Variants in TGM2 observed in about 807,000 individuals in gnomAD.
The protein encoded by TGM2 is transglutaminase 2.
A neutral mutation model predicts 75.6 loss-of-function variants in TGM2; 53 were observed. That is an observed-to-expected ratio of 0.70 (90% CI 0.56 to 0.88). TGM2 has a LOEUF of 0.88. Among genes scored for constraint, TGM2 ranks in the 40% least tolerant of loss-of-function variants. TGM2 has a pLI of 0.00. For missense variants in TGM2, 842 were observed against 928.5 expected (o/e 0.91, Z 1.21); for synonymous variants, 374 against 381.1 (o/e 0.98, Z 0.22).
At chr20:38,141,930 C>T in intron 7 of TGM2, 134 bp downstream of exon 7, 2 of 1,105,822 alleles carry the variant, frequency 1.8e-6, no homozygotes, top group Non-Finnish European at 2.7e-6. Context: ...CTAGGCCTTC[C>T]CCAAGCCTGC....
intron 11 of TGM2, among the ~76,000 whole-genome samples, chr20:38,131,948 CA>C (rs1466015624): frequency 2.0e-5 from 3 of 152,014 alleles, no homozygotes; most frequent in African/African-American, 7.3e-5. Flanking sequence ...GGGGCAAACT[CA>C]CATGCCCAGG....
chr20:38,156,517 C>T (rs1786841437), intron 2 of TGM2, among the ~76,000 whole-genome samples: 1 of 152,258 alleles, frequency 6.6e-6, no homozygotes, highest in Admixed American at 6.5e-5. Context: ...CTGCCTACAT[C>T]CTCTACCTGC....
Position 38,149,678 on chromosome 20 carries a change from C to CAA in TGM2, c.552+1259_552+1260dup, listed in dbSNP as rs1199376180. 8.0e-3 allele frequency among the ~76,000 whole-genome samples: 307 copies of CAA among 38,512 alleles called. 4 individuals are homozygous for CAA. Among genetic ancestry groups the CAA allele is most frequent in the Middle Eastern group, 0.017 (1 of 60 alleles). The allele number at this position is 38,512 out of a possible 152,430, so 25.3% of individuals were successfully genotyped here. ...TGGGCAACAGAGCGAGACTCCGCCT[C>CAA]AAAAAAAAAAAAAAAAAAAAAAACA... On this transcript the variant is annotated intron_variant, in intron 4 of 12. Coordinates refer to ENST00000361475, the MANE Select transcript of TGM2 (RefSeq NM_004613.4).
intron 10 of TGM2, chr20:38,137,848 G>T: frequency 1.5e-6 from 1 of 682,458 alleles, no homozygotes; most frequent in Non-Finnish European, 2.3e-6. Flanking sequence ...CTCCCCAACT[G>T]TGCAACCTTA....
intron 8 of TGM2, among the ~76,000 whole-genome samples, chr20:38,140,401 C>T (rs889755598): frequency 6.6e-6 from 1 of 152,220 alleles, no homozygotes; most frequent in East Asian, 1.9e-4. Flanking sequence ...ATGTTCCATG[C>T]CGCTGGAGGT....
At chr20:38,156,710 G>A (rs1231966416) in intron 2 of TGM2, among the ~76,000 whole-genome samples, 1 of 152,110 alleles carries the variant, frequency 6.6e-6, no homozygotes, top group Non-Finnish European at 1.5e-5. Flanking sequence ...GCAGTTCCGA[G>A]ATGCTGGTCA....
chr20:38,161,089 G>C (rs1351748296), intron 2 of TGM2, among the ~76,000 whole-genome samples: 3 of 152,174 alleles, frequency 2.0e-5, no homozygotes, highest in African/African-American at 7.2e-5. Context: ...ACAGGTGTGA[G>C]CCACCACGCC....
In TGM2 at chr20:38,151,060, G is replaced by C; in HGVS notation, c.434-3C>G. 1 of 1,611,514 alleles carries C rather than the reference G, an allele frequency of 6.2e-7. No individual in the cohort carries two copies. The highest frequency in any genetic ancestry group is 8.5e-7 in the Non-Finnish European group (1 of 1,177,614). On this transcript the variant is annotated splice_polypyrimidine_tract_variant and splice_region_variant and intron_variant, in intron 3 of 12. Transcript: ENST00000361475. ...CGAGTCCAGGTACACAGCATCCGCT[G>C]CAGGCAGGAAGAAAGGGACCTCAGC...
intron 4 of TGM2, among the ~76,000 whole-genome samples, chr20:38,149,176 T>A (rs146057744): frequency 6.6e-6 from 1 of 152,224 alleles, no homozygotes; most frequent in Non-Finnish European, 1.5e-5. Flanking sequence ...CTTGGCCTAG[T>A]ATGTCGTGCA....
chr20:38,163,935 G>A (rs889265226), intron 1 of TGM2, among the ~76,000 whole-genome samples: 6 of 152,180 alleles, frequency 3.9e-5, no homozygotes, highest in Admixed American at 2.0e-4. Flanking sequence ...CAGAAATCAC[G>A]CCCAGCTCCA....
At chr20:38,144,262 C>T (rs1033094070) in intron 6 of TGM2, among the ~76,000 whole-genome samples, 5 of 152,328 alleles carry the variant, frequency 3.3e-5, no homozygotes, top group East Asian at 1.9e-4. Context: ...GCAAGCCACT[C>T]CCCTCTCTGA....
chr20:38,145,089 C>T (rs2075028890), intron 6 of TGM2, among the ~76,000 whole-genome samples: 1 of 152,080 alleles, frequency 6.6e-6, no homozygotes, highest in Admixed American at 6.5e-5. Flanking sequence ...AAGGAGTTTC[C>T]ACAAGAAAAA....
rs1050348025 is a variant in TGM2, at chr20:38,142,048, C to G, written c.995+16G>C. ...CTCCCTACTGGGCTCCGATCCCACC[C>G]TGGCCCCCACCTCACCAGATCATCT... On this transcript the variant is annotated intron_variant, in intron 7 of 12. Transcript: ENST00000361475. 1.9e-6 allele frequency: 3 copies of G among 1,614,114 alleles called. No individual in the cohort carries two copies. In the Admixed American group the frequency reaches 5.0e-5, roughly 27 times the overall value.
At chr20:38,153,038 CGG>C (rs45518636) in intron 3 of TGM2, among the ~76,000 whole-genome samples, 43 of 85,046 alleles carry the variant, frequency 5.1e-4, no homozygotes, top group African/African-American at 1.1e-3. Context: ...ACCTATGGGG[CGG>C]GGGGGGGGAT....
intron 4 of TGM2, among the ~76,000 whole-genome samples, chr20:38,148,929 T>C (rs1271963651): frequency 2.0e-5 from 3 of 152,194 alleles, no homozygotes; most frequent in Non-Finnish European, 4.4e-5. Flanking sequence ...TCTGTGGTCC[T>C]TTCCTGGGCC....
At chr20:38,167,002 T>C (rs1320421028), upstream of TGM2, among the ~76,000 whole-genome samples, 4 of 152,070 alleles carry the variant, frequency 2.6e-5, no homozygotes. Context: ...TTGCCTCAGT[T>C]TCCTCCTCTG....
Position 38,142,193 on chromosome 20 carries a change from C to A in TGM2, c.866G>T (p.Arg289Met), listed in dbSNP as rs1315526811. ...GACGCGGGTAGGGATGCCCAGGCAC[C>A]TCAGCACTGTTGGAGAGGAGTGGAA... ...VFAAVACTVLRCLGIPTRVVT... is the reference protein window; with the variant it reads ...VFAAVACTVLMCLGIPTRVVT... The change falls in exon 7 of 13, where the codon AGG becomes ATG. Residue 289 changes from arginine (R) to methionine (M), a missense_variant. By Grantham distance (91) the Arg-to-Met change is moderately conservative. Transcript: ENST00000361475. 1.2e-5 allele frequency: 20 copies of A among 1,614,198 alleles called. No homozygotes were observed. The highest frequency in any genetic ancestry group is 1.5e-5 in the Non-Finnish European group (18 of 1,180,028).
Position 38,153,904 on chromosome 20 carries a change from C to T in TGM2, c.433+1943G>A, listed in dbSNP as rs543275950. Reference sequence around the variant, plus strand: ...CAATCCCAGCTAACTGCAGCCTCAACCTCCTGGACTCAAGCGATCCTCCCA... The same window carrying T: ...CAATCCCAGCTAACTGCAGCCTCAATCTCCTGGACTCAAGCGATCCTCCCA... On this transcript the variant is annotated intron_variant, in intron 3 of 12. Coordinates refer to ENST00000361475, the MANE Select transcript of TGM2 (RefSeq NM_004613.4). 2.0e-5 allele frequency among the ~76,000 whole-genome samples: 3 copies of T among 152,306 alleles called. No individual in the cohort carries two copies. In the East Asian group the frequency reaches 5.8e-4, roughly 29 times the overall value.
chr20:38,154,843 C>T (rs1185316474), intron 3 of TGM2, among the ~76,000 whole-genome samples: 1 of 152,070 alleles, frequency 6.6e-6, no homozygotes, highest in African/African-American at 2.4e-5. Flanking sequence ...CGGTGGCTCA[C>T]GCCTGTAATC....
Sources: allele counts gnomAD v4.1 joint callset (sites outside exome capture counted in the v4.1 genomes callset), GRCh38; gene constraint gnomAD v4.1.1; transcripts MANE v1.5; gene names NCBI Gene and HGNC (gene_info 2026-07-23, HGNC 2026-07-21).